CALN1: variants seen among roughly 807,000 people sequenced by gnomAD.
CALN1 encodes the protein calcium-binding protein 8.
A neutral mutation model predicts 30.6 loss-of-function variants in CALN1; 17 were observed. That is an observed-to-expected ratio of 0.56 (90% CI 0.38 to 0.83). CALN1 has a LOEUF of 0.83. Among genes scored for constraint, CALN1 ranks in the 40% least tolerant of loss-of-function variants. The pLI, the probability that CALN1 is intolerant of heterozygous loss-of-function variation, is 0.00. For synonymous variants in CALN1, 156 were observed against 131.4 expected (o/e 1.19, Z -1.28); for missense variants, 291 against 354.9 (o/e 0.82, Z 1.45).
At chr7:72,083,379 A>T (rs947010412) in intron 4 of CALN1, among the ~76,000 whole-genome samples, 4 of 151,908 alleles carry the variant, frequency 2.6e-5, no homozygotes, top group Non-Finnish European at 4.4e-5. Flanking sequence ...GAGATATGGA[A>T]ATTATTTAAA....
intron 5 of CALN1, among the ~76,000 whole-genome samples, chr7:71,997,112 C>T (rs1799289979): frequency 6.6e-6 from 1 of 151,882 alleles, no homozygotes; most frequent in Non-Finnish European, 1.5e-5. Context: ...ACTGATAGTC[C>T]CAGCTACTCA....
intron 3 of CALN1, among the ~76,000 whole-genome samples, chr7:72,106,551 G>T (rs762803099): frequency 6.7e-6 from 1 of 148,710 alleles, no homozygotes; most frequent in Non-Finnish European, 1.5e-5. Context: ...GAAAAGGAAA[G>T]GGAGAAAGGG....
chr7:72,205,555 T>A (rs372418126), intron 3 of CALN1, among the ~76,000 whole-genome samples: 3,534 of 107,832 alleles, frequency 0.033, 573 homozygotes, highest in African/African-American at 0.15. Context: ...AAAAAAAATA[T>A]ATATATATAT....
At chr7:72,225,967 A>G (rs1793645362) in intron 3 of CALN1, among the ~76,000 whole-genome samples, 2 of 151,786 alleles carry the variant, frequency 1.3e-5, no homozygotes, top group Admixed American at 1.3e-4. Flanking sequence ...GTGGTGGCAC[A>G]CACCTGTAGT....
chr7:71,956,008 G>A (rs932780842), intron 5 of CALN1, among the ~76,000 whole-genome samples: 9 of 144,970 alleles, frequency 6.2e-5, no homozygotes, highest in African/African-American at 2.1e-4. Flanking sequence ...TTTTTTTTGA[G>A]ATGGAGTCTC....
At chr7:72,161,116 T>C (rs527394293) in intron 3 of CALN1, among the ~76,000 whole-genome samples, 1 of 152,280 alleles carries the variant, frequency 6.6e-6, no homozygotes, top group African/African-American at 2.4e-5. Flanking sequence ...GGCAGGAGCT[T>C]CAACAGCCAT....
intron 2 of CALN1, among the ~76,000 whole-genome samples, chr7:72,345,986 T>G (rs1764716492): frequency 6.6e-6 from 1 of 151,754 alleles, no homozygotes; most frequent in East Asian, 1.9e-4. Flanking sequence ...AATAGGAAAA[T>G]CAAACATAGG....
At chr7:72,184,087 T>C (rs563091740) in intron 3 of CALN1, among the ~76,000 whole-genome samples, 36 of 152,180 alleles carry the variant, frequency 2.4e-4, no homozygotes, top group Non-Finnish European at 5.0e-4. Flanking sequence ...TTATTTCCCA[T>C]CCTTGACCAA....
chr7:72,009,487 A>C (rs572276753), intron 5 of CALN1, among the ~76,000 whole-genome samples: 51 of 152,352 alleles, frequency 3.3e-4, no homozygotes, highest in Non-Finnish European at 6.0e-4. Flanking sequence ...AAGAATAATC[A>C]CATGATCCTA....
intron 2 of CALN1, among the ~76,000 whole-genome samples, chr7:72,291,144 G>A (rs962546329): frequency 1.7e-4 from 26 of 152,028 alleles, no homozygotes; most frequent in African/African-American, 5.6e-4. Context: ...GGCTGGTTTC[G>A]AACTCCTGCC....
At chr7:72,286,027 T>C (rs77666266) in intron 2 of CALN1, among the ~76,000 whole-genome samples, 4,837 of 152,272 alleles carry the variant, frequency 0.032, 252 homozygotes, top group African/African-American at 0.11. Context: ...ACACCACCAA[T>C]GCCAGAGTAT....
At chr7:72,194,472 G>T (rs753195490) in intron 3 of CALN1, among the ~76,000 whole-genome samples, 7 of 152,150 alleles carry the variant, frequency 4.6e-5, no homozygotes, top group African/African-American at 1.7e-4. Flanking sequence ...GGAGGTTGCA[G>T]TGAGCCAGGA....
At chr7:71,973,655 T>C (rs1042481254) in intron 5 of CALN1, among the ~76,000 whole-genome samples, 1 of 151,834 alleles carries the variant, frequency 6.6e-6, no homozygotes, top group South Asian at 2.1e-4. Context: ...TTATGAACTG[T>C]AAACCCTCAT....
rs115601810 is a variant in CALN1 at position 71,943,260 on chromosome 7, C to T, written c.501+80397G>A. Among the ~76,000 whole-genome samples, 449 of 152,186 alleles carry T rather than the reference C, an allele frequency of 3.0e-3. 1 individual carries two copies. The highest frequency in any genetic ancestry group is 9.9e-3 in the African/African-American group (411 of 41,518). ...TCAAATACATTTTAAAACACACACG[C>T]GAAACAACACAGTATATTTTAAAAT... On this transcript the variant is annotated intron_variant, in intron 5 of 6. Transcript: ENST00000395275.
At chr7:72,452,516 G>A in the CALN1 span, among the ~76,000 whole-genome samples, 2 of 152,064 alleles carry the variant, frequency 1.3e-5, no homozygotes, top group African/African-American at 2.4e-5. Context: ...CTCTCACCAC[G>A]TGATGCCTGC....
At chr7:71,962,077 C>G (rs1797275376) in intron 5 of CALN1, among the ~76,000 whole-genome samples, 1 of 149,080 alleles carries the variant, frequency 6.7e-6, no homozygotes. Context: ...GATGCAAGTG[C>G]AAGATAGGAA....
In CALN1 at chr7:71,916,213, G is replaced by A. The variant is rs1262006824; in HGVS notation, c.502-105721C>T. On this transcript the variant is annotated intron_variant, in intron 5 of 6. Coordinates refer to ENST00000395275, the MANE Select transcript of CALN1 (RefSeq NM_031468.4). Reference sequence around the variant, plus strand: ...TAGTAGTATAAGAAAGAGGATCTGAGTATATACTAGCGATATAAACATATC... The same window carrying A: ...TAGTAGTATAAGAAAGAGGATCTGAATATATACTAGCGATATAAACATATC... Among the ~76,000 whole-genome samples the A allele has an allele frequency of 3.3e-5, 5 of 151,346 alleles. No homozygotes were observed. In the East Asian group the frequency reaches 9.8e-4, roughly 30 times the overall value.
chr7:72,087,315 C>T (rs1170223298), intron 4 of CALN1, among the ~76,000 whole-genome samples: 4 of 152,104 alleles, frequency 2.6e-5, no homozygotes, highest in Non-Finnish European at 4.4e-5. Context: ...GGGTGGATCA[C>T]GAGGTCAGGG....
At chr7:72,186,884 GCT>G (rs1790232578) in intron 3 of CALN1, among the ~76,000 whole-genome samples, 1 of 97,552 alleles carries the variant, frequency 1.0e-5, no homozygotes, top group African/African-American at 4.0e-5. Context: ...TGAGTGCAGA[GCT>G]TTTTTTTTTT....
Sources: gnomAD v4.1 joint callset for allele counts (sites outside exome capture counted in the v4.1 genomes callset) on GRCh38, gnomAD v4.1.1 for gene constraint, MANE v1.5 for transcripts, NCBI Gene and HGNC (gene_info 2026-07-23, HGNC 2026-07-21) for gene names.